ZNF140: variants seen among roughly 807,000 people sequenced by gnomAD.
ZNF140 encodes the protein zinc finger protein 140.
Under a neutral mutation model 12.9 loss-of-function variants are expected in ZNF140, and 13 were observed. That is an observed-to-expected ratio of 1.01 (90% CI 0.66 to 1.60). ZNF140 has a LOEUF of 1.60. Ranked by LOEUF, ZNF140 falls within the 40% of genes most tolerant of loss-of-function variation. The pLI, the probability that ZNF140 is intolerant of heterozygous loss-of-function variation, is 0.00. For missense variants in ZNF140, 531 were observed against 548.8 expected (o/e 0.97, Z 0.32); for synonymous variants, 214 against 186.7 (o/e 1.15, Z -1.19).
intron 4 of ZNF140, among the ~76,000 whole-genome samples, chr12:133,087,849 G>A (rs1187191641): frequency 6.6e-6 from 1 of 151,942 alleles, no homozygotes; most frequent in African/African-American, 2.4e-5. Flanking sequence ...CAAATAATAC[G>A]GCTGAGTGTG....
chr12:133,106,307 C>T lies in ZNF140; in HGVS notation c.1030C>T (p.Leu344Phe). 6.2e-7 allele frequency: 1 copy of T among 1,614,160 alleles called. No individual in the cohort carries two copies. The change falls in exon 5 of 5, where the codon CTT (leucine) becomes TTT (phenylalanine). Residue 344 changes from leucine (L) to phenylalanine (F), a missense_variant. Coordinates refer to ENST00000355557, the MANE Select transcript of ZNF140 (RefSeq NM_003440.4). ...CRKAFRCHSF[L>F]IKHQRIHAGE... ...GAAAGCTTTCCGTTGTCACTCATTC[C>T]TTATTAAACATCAGAGAATTCATGC... is the stretch of plus-strand genomic sequence containing the variant.
In ZNF140 at chr12:133,106,139, C is replaced by G. The variant is rs201138364; in HGVS notation, c.862C>G (p.Leu288Val). The change falls in exon 5 of 5, where the codon CTC (leucine) becomes GTC (valine). Residue 288 changes from leucine (L) to valine (V), a missense_variant. By Grantham distance (32) the Leu-to-Val change is conservative (BLOSUM62 1). Coordinates refer to ENST00000355557, the MANE Select transcript of ZNF140 (RefSeq NM_003440.4). ...CGKAFSSGSE[L>V]IRHQITHTGE... ...TAAAGCATTTAGCAGTGGCTCAGAACTCATTCGCCACCAGATTACACATAC... is the reference window on the plus strand; with the variant it reads ...TAAAGCATTTAGCAGTGGCTCAGAAGTCATTCGCCACCAGATTACACATAC... The G allele has an allele frequency of 1.9e-6, 3 of 1,614,142 alleles. No individual in the cohort carries two copies. The Admixed American group carries it at 5.0e-5, about 27-fold the overall frequency.
intron 4 of ZNF140, among the ~76,000 whole-genome samples, chr12:133,085,349 TGAA>T (rs1396195115): frequency 6.6e-6 from 1 of 152,210 alleles, no homozygotes; most frequent in African/African-American, 2.4e-5. Context: ...ACACAGTTCT[TGAA>T]GTTTTTATGT....
chr12:133,106,136 G>C lies in ZNF140; in HGVS notation c.859G>C (p.Glu287Gln). 1.9e-6 allele frequency: 3 copies of C among 1,614,068 alleles called. No homozygotes were observed. In the South Asian group the frequency reaches 3.3e-5, roughly 18 times the overall value. The change falls in exon 5 of 5, where the codon GAA (glutamate) becomes CAA (glutamine). Residue 287 changes from glutamate (E) to glutamine (Q), a missense_variant. By Grantham distance (29) the Glu-to-Gln change is conservative. Coordinates refer to ENST00000355557, the MANE Select transcript of ZNF140 (RefSeq NM_003440.4). Reference sequence around the variant, plus strand: ...TGGTAAAGCATTTAGCAGTGGCTCAGAACTCATTCGCCACCAGATTACACA... The same window carrying C: ...TGGTAAAGCATTTAGCAGTGGCTCACAACTCATTCGCCACCAGATTACACA... ...KCGKAFSSGS[E>Q]LIRHQITHTG...
chr12:133,106,366 TAA>T lies in ZNF140; in HGVS notation c.1091_1092del (p.Lys364SerfsTer25). ...EKLYECDECG[K>X]VFTWHASLIQ... ...AGCTCTATGAATGTGATGAATGTGG[TAA>T]AGTTTTCACTTGGCATGCATCCCTT... On this transcript the variant is annotated frameshift_variant, in exon 5 of 5. Coordinates refer to ENST00000355557, the MANE Select transcript of ZNF140 (RefSeq NM_003440.4). LOFTEE classifies it low-confidence loss of function (END_TRUNC). 1 of 1,614,202 alleles carries T rather than the reference TAA, an allele frequency of 6.2e-7. No homozygotes were observed. The highest frequency in any genetic ancestry group is 2.2e-5 in the East Asian group (1 of 44,890).
At chr12:133,097,662 CT>C (rs1443383951) in intron 4 of ZNF140, among the ~76,000 whole-genome samples, 13 of 150,128 alleles carry the variant, frequency 8.7e-5, no homozygotes, top group Admixed American at 5.3e-4. Flanking sequence ...AAAAAAATTA[CT>C]TATTTCTTTA....
intron 4 of ZNF140, among the ~76,000 whole-genome samples, chr12:133,085,548 C>T (rs1954646967): frequency 6.6e-6 from 1 of 152,192 alleles, no homozygotes; most frequent in African/African-American, 2.4e-5. Context: ...CATCCTAACC[C>T]TCCAATAAAG....
At position 133,105,911 on chromosome 12, in the gene ZNF140, A is replaced by C; in HGVS notation, c.634A>C (p.Thr212Pro). The stretch of plus-strand genomic sequence containing the variant: ...CCTTGTGAAACACCAAATGATACAT[A>C]CTGGAAAGAAACCCCATGAGTGTAA... ...SNLVKHQMIHTGKKPHECKDC... is the reference protein window; with the variant it reads ...SNLVKHQMIHPGKKPHECKDC... The change falls in exon 5 of 5, where the codon ACT becomes CCT. Residue 212 changes from threonine (T) to proline (P), a missense_variant. Thr to Pro is a conservative substitution (Grantham distance 38). Transcript: ENST00000355557. The C allele has an allele frequency of 6.2e-7, 1 of 1,614,200 alleles. No individual in the cohort carries two copies. The highest frequency in any genetic ancestry group is 8.5e-7 in the Non-Finnish European group (1 of 1,180,034).
intron 4 of ZNF140, among the ~76,000 whole-genome samples, chr12:133,083,918 C>T (rs1292426356): frequency 2.0e-5 from 3 of 150,454 alleles, no homozygotes; most frequent in Non-Finnish European, 4.4e-5. Context: ...CGAGATTGCG[C>T]CACTGCACTG....
At chr12:133,085,615 C>T (rs1353934490) in intron 4 of ZNF140, among the ~76,000 whole-genome samples, 2 of 152,118 alleles carry the variant, frequency 1.3e-5, no homozygotes, top group African/African-American at 4.8e-5. Flanking sequence ...TTTATTGTTC[C>T]ATCAGCTCTT....
rs368640870 is a variant in ZNF140 at position 133,081,348 on chromosome 12, AATATATATATAT to A, written c.9+31_9+42del. On this transcript the variant is annotated intron_variant, in intron 2 of 4. Transcript: ENST00000355557. Reference sequence around the variant, plus strand: ...GTCTCAGGTAAGCTAATGATTGATAAATATATATATATATATATATATAAATTTTTATTTTTT... The same window carrying A: ...GTCTCAGGTAAGCTAATGATTGATAAATATATATATAAATTTTTATTTTTT... The A allele has an allele frequency of 1.9e-5, 6 of 317,000 alleles. No homozygotes were observed. Among genetic ancestry groups the A allele is most frequent in the South Asian group, 2.4e-5 (1 of 42,448 alleles). 19.6% of individuals were successfully genotyped at this position (317,000 alleles called of 1,614,324 possible). A position where few individuals can be genotyped will look rare whatever the true frequency, so the allele number is the denominator to read the frequency against.
chr12:133,103,135 CTCAAATGTGTATCATT>C (rs1353306387), intron 4 of ZNF140, among the ~76,000 whole-genome samples: 9 of 152,158 alleles, frequency 5.9e-5, no homozygotes, highest in South Asian at 2.1e-4. Context: ...AATCCATTAT[CTCAAATGTGTATCATT>C]TCAAATGTGT....
At chr12:133,090,559 C>T (rs1199649623) in intron 4 of ZNF140, among the ~76,000 whole-genome samples, 1 of 152,096 alleles carries the variant, frequency 6.6e-6, no homozygotes, top group Non-Finnish European at 1.5e-5. Context: ...TGCCCCTCCA[C>T]ACCTGTGGGT....
chr12:133,082,573 C>T (rs1954539008), intron 2 of ZNF140: 1 of 153,894 alleles, frequency 6.5e-6, no homozygotes, highest in Non-Finnish European at 1.4e-5. Flanking sequence ...ATTGCTTATC[C>T]TCCTTGTTCT....
At chr12:133,089,188 T>C (rs1042916792) in intron 4 of ZNF140, among the ~76,000 whole-genome samples, 10 of 152,152 alleles carry the variant, frequency 6.6e-5, no homozygotes, top group African/African-American at 2.4e-4. Flanking sequence ...GATGCTTTCA[T>C]TTTTGAAAGT....
chr12:133,089,594 C>G (rs1480163479), intron 4 of ZNF140, among the ~76,000 whole-genome samples: 3 of 152,172 alleles, frequency 2.0e-5, no homozygotes, highest in Non-Finnish European at 4.4e-5. Context: ...GTATGTCTTT[C>G]AAGGAATTGG....
intron 4 of ZNF140, 29 bp downstream of exon 4, chr12:133,083,590 T>G: frequency 6.3e-7 from 1 of 1,589,792 alleles, no homozygotes; most frequent in African/African-American, 1.4e-5. Context: ...GATGGGGAAA[T>G]TTTTTAAAAC....
chr12:133,086,914 ATTAG>A (rs1467444095), intron 4 of ZNF140, among the ~76,000 whole-genome samples: 5 of 152,208 alleles, frequency 3.3e-5, no homozygotes, highest in African/African-American at 1.2e-4. Context: ...CTGTTTTGAA[ATTAG>A]TTAAATGTCA....
chr12:133,103,048 CTG>C (rs934826217), intron 4 of ZNF140, among the ~76,000 whole-genome samples: 47 of 152,186 alleles, frequency 3.1e-4, no homozygotes, highest in African/African-American at 1.0e-3. Flanking sequence ...GACACAATGA[CTG>C]TACGTTTATG....
Sources: gnomAD v4.1 joint callset for allele counts (sites outside exome capture counted in the v4.1 genomes callset) on GRCh38, gnomAD v4.1.1 for gene constraint, MANE v1.5 for transcripts, NCBI Gene and HGNC (gene_info 2026-07-23, HGNC 2026-07-21) for gene names.